The following HIPK2 variants were observed in gnomAD, a reference collection of about 807,000 sequenced individuals.
The protein encoded by HIPK2 is homeodomain-interacting protein kinase 2.
In HIPK2, 27 loss-of-function variants were observed where a neutral mutation model predicts 113.7. The observed-to-expected ratio is 0.24, with a 90% CI of 0.17 to 0.33. HIPK2 has a LOEUF of 0.33. Among genes scored for constraint, HIPK2 ranks in the 10% least tolerant of loss-of-function variants. The pLI is 1.00. For synonymous variants in HIPK2, 631 were observed against 642.2 expected, an observed-to-expected ratio of 0.98 and a Z score of 0.26; for missense variants, 1,257 against 1,588.0, an observed-to-expected ratio of 0.79 and a Z score of 3.54.
chr7:139,585,536 T>C (rs908237611), intron 12 of HIPK2, among the ~76,000 whole-genome samples: 1 of 152,252 alleles, frequency 6.6e-6, no homozygotes, highest in East Asian at 1.9e-4. Flanking sequence ...TGGAGTCAGC[T>C]GTCTAACTTC....
chr7:139,700,264 C>T (rs1403067020), intron 2 of HIPK2, among the ~76,000 whole-genome samples: 1 of 152,142 alleles, frequency 6.6e-6, no homozygotes, highest in Non-Finnish European at 1.5e-5. Flanking sequence ...CGCCTGCTTT[C>T]TGCAAGGAAT....
chr7:139,718,448 AG>A (rs1369396193), intron 1 of HIPK2, among the ~76,000 whole-genome samples: 1 of 152,192 alleles, frequency 6.6e-6, no homozygotes, highest in African/African-American at 2.4e-5. Flanking sequence ...TTTGTCCAGA[AG>A]CCTGAGGTCA....
intron 2 of HIPK2, among the ~76,000 whole-genome samples, chr7:139,698,434 T>C (rs925866349): frequency 8.5e-5 from 13 of 152,208 alleles, no homozygotes; most frequent in Non-Finnish European, 1.5e-5. Context: ...TACAAGTATT[T>C]GTTCGAGTCC....
chr7:139,569,798 A>T lies in HIPK2; in HGVS notation c.*3129T>A, dbSNP rs1798205554. On this transcript the variant is annotated 3_prime_UTR_variant, in exon 15 of 15. Coordinates refer to ENST00000406875, the MANE Select transcript of HIPK2 (RefSeq NM_022740.5). ...GGATGTCCCTCCAGTCTACTTATAT[A>T]CTCACAGAGAGAATAAGTTTAAATA... is the stretch of plus-strand genomic sequence containing the variant. 1 of 151,600 alleles carries T rather than the reference A, an allele frequency of 6.6e-6. No homozygotes were observed. The highest frequency in any genetic ancestry group is 2.4e-5 in the African/African-American group (1 of 41,228). The allele number at this position is 151,600 out of a possible 1,614,324, so 9.4% of individuals were successfully genotyped here.
At chr7:139,579,809 T>C (rs1201716949) in intron 13 of HIPK2, among the ~76,000 whole-genome samples, 1 of 152,094 alleles carries the variant, frequency 6.6e-6, no homozygotes, top group Non-Finnish European at 1.5e-5. Flanking sequence ...AACCGTGCAT[T>C]TGCGCCTGGG....
intron 2 of HIPK2, among the ~76,000 whole-genome samples, chr7:139,713,507 G>A (rs570280668): frequency 4.6e-5 from 7 of 152,222 alleles, no homozygotes; most frequent in African/African-American, 1.2e-4. Context: ...ATGACAAGGG[G>A]GTCTTAAGAA....
At chr7:139,638,656 CTTTTT>C (rs1184555180) in intron 2 of HIPK2, among the ~76,000 whole-genome samples, 1 of 130,256 alleles carries the variant, frequency 7.7e-6, no homozygotes, top group African/African-American at 3.0e-5. Flanking sequence ...AAATAATTGT[CTTTTT>C]TTTTTTTTTT....
chr7:139,730,808 C>T (rs1795753266), intron 1 of HIPK2, among the ~76,000 whole-genome samples: 1 of 152,152 alleles, frequency 6.6e-6, no homozygotes, highest in Admixed American at 6.5e-5. Flanking sequence ...ACAATAAATT[C>T]ATTAAGGTGA....
chr7:139,634,736 G>A (rs1800750729), intron 2 of HIPK2, among the ~76,000 whole-genome samples: 1 of 144,700 alleles, frequency 6.9e-6, no homozygotes, highest in Admixed American at 6.9e-5. Context: ...GGAGTGCAGT[G>A]GCATGATCTT....
chr7:139,581,989 G>A (rs1212733977), intron 13 of HIPK2, among the ~76,000 whole-genome samples: 1 of 152,184 alleles, frequency 6.6e-6, no homozygotes, highest in Non-Finnish European at 1.5e-5. Flanking sequence ...AATATTTAAA[G>A]GATAGCTGAG....
intron 2 of HIPK2, among the ~76,000 whole-genome samples, chr7:139,669,573 G>GAGACCAC (rs1309313952): frequency 6.9e-6 from 1 of 144,398 alleles, no homozygotes; most frequent in African/African-American, 2.5e-5. Context: ...AGATGAGCAT[G>GAGACCAC]AGACCACATA....
chr7:139,736,869 C>T (rs1293473594), intron 1 of HIPK2, among the ~76,000 whole-genome samples: 1 of 152,194 alleles, frequency 6.6e-6, no homozygotes, highest in Non-Finnish European at 1.5e-5. Context: ...CTCTCTGGTT[C>T]TTTCACTAGC....
rs554077389 is a variant in HIPK2 at position 139,711,753 on chromosome 7, A to C, written c.1103+4179T>G. Among the ~76,000 whole-genome samples, 7 of 152,248 alleles carry C rather than the reference A, an allele frequency of 4.6e-5. No homozygotes were observed. In the South Asian group the frequency reaches 6.2e-4, roughly 14 times the overall value. On this transcript the variant is annotated intron_variant, in intron 2 of 14. Transcript: ENST00000406875. ...AATTTATTGCTTGCTCAAAAAAAAA[A>C]CAAAAAAACTAAAAACAAACAAAAT... is the stretch of plus-strand genomic sequence containing the variant.
At chr7:139,674,858 G>A (rs1802440171) in intron 2 of HIPK2, among the ~76,000 whole-genome samples, 1 of 152,160 alleles carries the variant, frequency 6.6e-6, no homozygotes, top group Admixed American at 6.5e-5. Flanking sequence ...TAAAAGAGGT[G>A]CCACATATGG....
At position 139,745,966 on chromosome 7, in the gene HIPK2, TG is replaced by T. The variant is rs1334242264; in HGVS notation, c.20-28952del. Among the ~76,000 whole-genome samples the T allele has an allele frequency of 4.6e-5, 7 of 151,962 alleles. No individual in the cohort carries two copies. In the East Asian group the frequency reaches 1.4e-3, roughly 29 times the overall value. On this transcript the variant is annotated intron_variant, in intron 1 of 14. Coordinates refer to ENST00000406875, the MANE Select transcript of HIPK2 (RefSeq NM_022740.5). ...AGCTGGATGACCTCGTGTAAATAGG[TG>T]ACAGAGAGGTTATTAAAGCAAAGCT...
chr7:139,684,112 C>T (rs1015485572), intron 2 of HIPK2, among the ~76,000 whole-genome samples: 2 of 152,116 alleles, frequency 1.3e-5, no homozygotes, highest in African/African-American at 4.8e-5. Flanking sequence ...ATTGTGATAT[C>T]TGTTATGGTG....
chr7:139,668,869 T>G (rs1314164687), intron 2 of HIPK2, among the ~76,000 whole-genome samples: 2 of 152,240 alleles, frequency 1.3e-5, no homozygotes, highest in Non-Finnish European at 2.9e-5. Flanking sequence ...AAAAGAAGAC[T>G]GATGACTGTT....
chr7:139,678,187 GAT>G (rs1297736556), intron 2 of HIPK2, among the ~76,000 whole-genome samples: 1 of 152,316 alleles, frequency 6.6e-6, no homozygotes, highest in African/African-American at 2.4e-5. Flanking sequence ...TCACTGTGAT[GAT>G]AGTTTCTTTT....
intron 2 of HIPK2, among the ~76,000 whole-genome samples, chr7:139,635,232 G>A (rs1348295639): frequency 6.6e-6 from 1 of 152,178 alleles, no homozygotes. Context: ...GCAGCCTGAC[G>A]TTTGGAAGTC....
Sources: gnomAD v4.1 joint callset for allele counts (sites outside exome capture counted in the v4.1 genomes callset) on GRCh38, gnomAD v4.1.1 for gene constraint, MANE v1.5 for transcripts, NCBI Gene and HGNC (gene_info 2026-07-23, HGNC 2026-07-21) for gene names.